HMCN2: variants seen among roughly 807,000 people sequenced by gnomAD.
HMCN2 encodes hemicentin-2.
Under a neutral mutation model 377.5 loss-of-function variants are expected in HMCN2, and 325 were observed. The observed-to-expected ratio is 0.86, with a 90% confidence interval of 0.79 to 0.94. The LOEUF (loss-of-function observed/expected upper bound fraction) is 0.94. Among genes scored for constraint, HMCN2 ranks in the 40% least tolerant of loss-of-function variants. The pLI is 0.00. For missense variants in HMCN2, 4,543 were observed against 4,725.3 expected, an observed-to-expected ratio of 0.96 and a Z score of 1.13; for synonymous variants, 2,007 against 2,046.8, an observed-to-expected ratio of 0.98 and a Z score of 0.53.
chr9:130,392,164 A>G, intron 66 of HMCN2, 46 bp downstream of exon 66: 1 of 986,054 alleles, frequency 1.0e-6, no homozygotes, highest in Non-Finnish European at 1.2e-6. Flanking sequence ...CTCAGAGTGG[A>G]CATGTGGGGA....
At chr9:130,408,544 G>A (rs948588052) in intron 83 of HMCN2, among the ~76,000 whole-genome samples, 199 bp from the exon 84 acceptor site, 1 of 152,200 alleles carries the variant, frequency 6.6e-6, no homozygotes, top group Non-Finnish European at 1.5e-5. Context: ...GAAAGTCTTT[G>A]CCAGTCTTTG....
rs774850229 is a variant in HMCN2, at chr9:130,403,316, A to C, written c.12001A>C (p.Asn4001His). 44 of 1,289,782 alleles carry C rather than the reference A, an allele frequency of 3.4e-5. No homozygotes were observed. Among genetic ancestry groups the C allele is most frequent in the Non-Finnish European group, 4.2e-5 (42 of 988,884 alleles). 79.9% of individuals were successfully genotyped at this position (1,289,782 alleles called of 1,614,324 possible). ...PTITWQKEGL[N>H]VATGVSTQVL... Reference sequence around the variant, plus strand: ...CATCACCTGGCAGAAGGAAGGGCTCAACGTCGCTACTGGTGAGGGCCCCTG... The same window carrying C: ...CATCACCTGGCAGAAGGAAGGGCTCCACGTCGCTACTGGTGAGGGCCCCTG... The change falls in exon 79 of 98, where the codon AAC becomes CAC. Residue 4001 changes from asparagine (N) to histidine (H), a missense_variant. By Grantham distance (68) the Asn-to-His change is moderately conservative (BLOSUM62 1). Transcript: ENST00000683500.
chr9:130,429,954 G>A (rs191128507), intron 94 of HMCN2: 11 of 630,074 alleles, frequency 1.7e-5, no homozygotes, highest in South Asian at 9.6e-5. Flanking sequence ...AATTTCAGGA[G>A]GGGGAGGACT....
intron 19 of HMCN2, among the ~76,000 whole-genome samples, chr9:130,322,319 AATCTATCTATCTATCTATCTATCC>A (rs1204134499): frequency 2.0e-5 from 3 of 149,382 alleles, no homozygotes; most frequent in Non-Finnish European, 3.0e-5. Context: ...CTATCTATCT[AATCTATCTATCTATCTATCTATCC>A]ATCTATCTAT....
In HMCN2 at chr9:130,348,534, T is replaced by C. The variant is rs1490442174; in HGVS notation, c.4025-11T>C. ...CAGGGAAGCAGCTCCTCGGCTCTCC[T>C]TGCCCCCAAGTGCCCCCCAGCATCC... On this transcript the variant is annotated splice_polypyrimidine_tract_variant and intron_variant, in intron 26 of 97. Coordinates refer to ENST00000683500, the MANE Select transcript of HMCN2 (RefSeq NM_001291815.2). 6 of 1,303,520 alleles carry C rather than the reference T, an allele frequency of 4.6e-6. No individual in the cohort carries two copies. Among genetic ancestry groups the C allele is most frequent in the African/African-American group, 1.5e-5 (1 of 65,994 alleles). 80.7% of individuals were successfully genotyped at this position (1,303,520 alleles called of 1,614,324 possible). A position where few individuals can be genotyped will look rare whatever the true frequency, so the allele number is the denominator to read the frequency against.
chr9:130,390,063 C>A (rs531626817), intron 62 of HMCN2, among the ~76,000 whole-genome samples: 1 of 152,348 alleles, frequency 6.6e-6, no homozygotes, highest in Admixed American at 6.5e-5. Flanking sequence ...CTGTGTGGAC[C>A]TGTGTCATCG....
intron 25 of HMCN2, among the ~76,000 whole-genome samples, chr9:130,343,528 C>T (rs1031972823): frequency 8.5e-4 from 130 of 152,294 alleles, no homozygotes; most frequent in Non-Finnish European, 1.6e-3. Context: ...CCCACCTGGC[C>T]CCCCGACCCT....
At position 130,374,645 on chromosome 9, in the gene HMCN2, G is replaced by A; in HGVS notation, c.7582G>A (p.Ala2528Thr). 6.1e-6 allele frequency: 6 copies of A among 985,820 alleles called. No homozygotes were observed. Among genetic ancestry groups the A allele is most frequent in the Non-Finnish European group, 6.0e-6 (5 of 829,962 alleles). The allele number at this position is 985,820 out of a possible 1,614,324, so 61.1% of individuals were successfully genotyped here. The change falls in exon 49 of 98, where the codon GCC (alanine) becomes ACC (threonine). Residue 2528 changes from alanine to threonine, a missense_variant. Ala to Thr is a moderately conservative substitution (Grantham distance 58). Transcript: ENST00000683500. The part of the protein sequence containing the change: ...SSAGHYSCIA[A>T]NAVGEKTKHF... ...TGCTGGCCACTACTCCTGCATTGCAGCCAACGCTGTTGGGGAGAAGACCAA... is the reference window on the plus strand; with the variant it reads ...TGCTGGCCACTACTCCTGCATTGCAACCAACGCTGTTGGGGAGAAGACCAA...
At chr9:130,325,284 C>T (rs963963277) in intron 19 of HMCN2, among the ~76,000 whole-genome samples, 16,630 of 151,588 alleles carry the variant, frequency 0.11, 1,436 homozygotes, top group East Asian at 0.49. Flanking sequence ...TTAGTAGAGG[C>T]GGAGTTTCAC....
chr9:130,266,119 G>T lies in HMCN2; in HGVS notation c.241G>T (p.Val81Leu), dbSNP rs1428007381. The T allele has an allele frequency of 2.1e-6, 1 of 467,974 alleles. No individual in the cohort carries two copies. Among genetic ancestry groups the T allele is most frequent in the Non-Finnish European group, 4.4e-6 (1 of 226,924 alleles). The allele number at this position is 467,974 out of a possible 1,614,324, so 29.0% of individuals were successfully genotyped here. A position where few individuals can be genotyped will look rare whatever the true frequency, so the allele number is the denominator to read the frequency against. The change falls in exon 1 of 98, where the codon GTG (valine) becomes TTG (leucine). Residue 81 changes from valine (V) to leucine (L), a missense_variant. Val to Leu is a conservative substitution (Grantham distance 32, BLOSUM62 1). This residue lies in a region of HMCN2 where 547 missense variants were observed against 189.9 expected (regional missense o/e 2.88). Coordinates refer to ENST00000683500, the MANE Select transcript of HMCN2 (RefSeq NM_001291815.2). ...CCAGGCCATCGCCAACTACGCGCTGGTGCCCTTCCACGACCCAGGTAGCGC... is the reference window on the plus strand; with the variant it reads ...CCAGGCCATCGCCAACTACGCGCTGTTGCCCTTCCACGACCCAGGTAGCGC... The part of the protein sequence containing the change: ...RSQAIANYAL[V>L]PFHDPDIGPV...
chr9:130,400,114 C>T (rs1360296180), intron 76 of HMCN2, among the ~76,000 whole-genome samples: 1 of 152,242 alleles, frequency 6.6e-6, no homozygotes, highest in Non-Finnish European at 1.5e-5. Context: ...CTCTTCCCCT[C>T]ACTCAGCAAA....
intron 36 of HMCN2, 86 bp from the exon 37 acceptor site, chr9:130,359,233 A>G (rs1180426911): frequency 3.3e-6 from 2 of 614,636 alleles, no homozygotes; most frequent in Non-Finnish European, 5.1e-6. Flanking sequence ...TATGGGGAGC[A>G]GGGAGCAGCA....
intron 91 of HMCN2, 40 bp from the exon 92 acceptor site, chr9:130,427,457 G>GT: frequency 6.5e-7 from 1 of 1,550,314 alleles, no homozygotes; most frequent in South Asian, 1.2e-5. Flanking sequence ...CTGGCAGGAG[G>GT]GCCTGGGAGC....
intron 82 of HMCN2, chr9:130,406,435 G>C (rs1026382821): frequency 1.2e-5 from 4 of 339,068 alleles, no homozygotes; most frequent in Non-Finnish European, 2.3e-5. Flanking sequence ...GGAGGCCTGT[G>C]TTCTAGTCCA....
At chr9:130,410,870 G>T (rs1314324750) in intron 85 of HMCN2, among the ~76,000 whole-genome samples, 1 of 152,154 alleles carries the variant, frequency 6.6e-6, no homozygotes, top group African/African-American at 2.4e-5. Flanking sequence ...GGGCCTGGGG[G>T]AGCTGGGCAT....
Position 130,385,553 on chromosome 9 carries a change from C to T in HMCN2, c.9107-7C>T, listed in dbSNP as rs1295017199. On this transcript the variant is annotated splice_region_variant and splice_polypyrimidine_tract_variant and intron_variant, in intron 59 of 97. Coordinates refer to ENST00000683500, the MANE Select transcript of HMCN2 (RefSeq NM_001291815.2). ...CAGCACCTCACTCTGCTATCTCCTG[C>T]CCCCAGTTCCCCCGGCCTTCAGGCA... is the stretch of plus-strand genomic sequence containing the variant. 2 of 1,302,964 alleles carry T rather than the reference C, an allele frequency of 1.5e-6. No homozygotes were observed. Among genetic ancestry groups the T allele is most frequent in the Admixed American group, 4.6e-5 (2 of 43,556 alleles). The allele number at this position is 1,302,964 out of a possible 1,614,324, so 80.7% of individuals were successfully genotyped here. A position where few individuals can be genotyped will look rare whatever the true frequency, so the allele number is the denominator to read the frequency against.
intron 31 of HMCN2, 42 bp from the exon 32 acceptor site, chr9:130,354,721 G>A (rs779187601): frequency 6.6e-5 from 83 of 1,260,976 alleles, no homozygotes; most frequent in South Asian, 2.6e-4. Context: ...GCAGGCTAGC[G>A]TCCAGCTGTG....
intron 62 of HMCN2, among the ~76,000 whole-genome samples, chr9:130,389,956 G>C (rs542634550): frequency 6.6e-6 from 1 of 152,172 alleles, no homozygotes; most frequent in Non-Finnish European, 1.5e-5. Context: ...GCTGTGTCGC[G>C]TGTTGTGCAT....
chr9:130,407,934 C>T (rs1843187784), intron 83 of HMCN2, among the ~76,000 whole-genome samples: 1 of 152,210 alleles, frequency 6.6e-6, no homozygotes, highest in Non-Finnish European at 1.5e-5. Context: ...ATTTTTGACA[C>T]TCCCAAGACG....
Sources: gnomAD v4.1 joint callset for allele counts (sites outside exome capture counted in the v4.1 genomes callset) on GRCh38, gnomAD v4.1.1 for gene constraint, gnomAD v4.1.1 regional missense constraint, MANE v1.5 for transcripts, NCBI Gene and HGNC (gene_info 2026-07-23, HGNC 2026-07-21) for gene names.